Variants in KHDC4 observed in about 807,000 individuals in gnomAD.
KHDC4 encodes KH domain containing 4, pre-mRNA splicing factor.
A neutral mutation model predicts 74.5 loss-of-function variants in KHDC4; 19 were observed. The ratio of observed to expected loss-of-function variants is 0.26; its 90% CI spans 0.18 to 0.37. KHDC4 has a LOEUF of 0.37. Ranked by LOEUF, KHDC4 falls within the 10% of genes least tolerant of loss-of-function variation. The pLI is 1.00. For synonymous variants in KHDC4, 253 were observed against 266.1 expected (o/e 0.95, Z 0.48); for missense variants, 632 against 754.1 (o/e 0.84, Z 1.90).
At chr1:155,915,687 AG>A in intron 13 of KHDC4, 185 bp downstream of exon 13, 4 of 511,822 alleles carry the variant, frequency 7.8e-6, no homozygotes, top group Non-Finnish European at 1.0e-5. Flanking sequence ...TTGTATTTTT[AG>A]TAGAGATGGG....
intron 13 of KHDC4, 40 bp from the exon 14 acceptor site, chr1:155,914,360 A>G (rs763331588): frequency 7.0e-7 from 1 of 1,427,914 alleles, no homozygotes; most frequent in Non-Finnish European, 9.7e-7. Flanking sequence ...CATCCCCGCC[A>G]AGGGAAAAAA....
chr1:155,915,610 C>T (rs1407911208), intron 13 of KHDC4: 16 of 406,008 alleles, frequency 3.9e-5, no homozygotes, highest in Admixed American at 8.9e-5. Context: ...CAGGTTGAAG[C>T]GATTCTCCTG....
intron 13 of KHDC4, 195 bp from the exon 14 acceptor site, chr1:155,914,515 T>C: frequency 1.8e-6 from 1 of 560,670 alleles, no homozygotes; most frequent in Non-Finnish European, 3.1e-6. Flanking sequence ...CAAATGTGAA[T>C]CCACCAGAAC....
chr1:155,930,439 T>G (rs1312009452), intron 2 of KHDC4, among the ~76,000 whole-genome samples: 1 of 152,116 alleles, frequency 6.6e-6, no homozygotes, highest in African/African-American at 2.4e-5. Context: ...CTATGTGCAT[T>G]TTTATGACCA....
intron 11 of KHDC4, 80 bp downstream of exon 11, chr1:155,917,419 G>T: frequency 8.5e-7 from 1 of 1,181,542 alleles, no homozygotes; most frequent in Non-Finnish European, 1.3e-6. Flanking sequence ...CTGGGAGAAT[G>T]ATGTGAATTT....
At chr1:155,924,078 G>C (rs1168964808) in intron 7 of KHDC4, among the ~76,000 whole-genome samples, 1 of 152,124 alleles carries the variant, frequency 6.6e-6, no homozygotes, top group Non-Finnish European at 1.5e-5. Context: ...AGCACTTTGG[G>C]AGACCGAGAC....
At chr1:155,933,883 A>C in intron 1 of KHDC4, 34 bp from the exon 2 acceptor site, 1 of 1,459,748 alleles carries the variant, frequency 6.9e-7, no homozygotes, top group Non-Finnish European at 9.1e-7. Context: ...TTAGGCCCCA[A>C]AGCTTTCGTG....
Position 155,929,954 on chromosome 1 carries a change from C to T in KHDC4, c.256-114G>A, listed in dbSNP as rs1023298285. The stretch of plus-strand genomic sequence containing the variant: ...ATTTTTTTGAGATGGAGTCTGTCGC[C>T]CAGGATGGAGTGCAGTGGCGTGATC... On this transcript the variant is annotated intron_variant, in intron 2 of 13. Transcript: ENST00000368321. 29 of 627,710 alleles carry T rather than the reference C, an allele frequency of 4.6e-5. No homozygotes were observed. In the Admixed American group the frequency reaches 5.9e-4, roughly 13 times the overall value. The allele number at this position is 627,710 out of a possible 1,614,324, so 38.9% of individuals were successfully genotyped here.
At chr1:155,926,230 G>T in intron 6 of KHDC4, 1 of 386,066 alleles carries the variant, frequency 2.6e-6, no homozygotes. Flanking sequence ...GTGGAGAGCT[G>T]GATAACACAC....
chr1:155,914,375 ATACC>A, intron 13 of KHDC4, 55 bp from the exon 14 acceptor site: 1 of 1,305,134 alleles, frequency 7.7e-7, no homozygotes, highest in Non-Finnish European at 1.1e-6. Context: ...AAAAAAAAAA[ATACC>A]ATAAATTCGT....
chr1:155,928,037 GAC>G (rs1381893248), intron 4 of KHDC4, among the ~76,000 whole-genome samples: 1 of 151,964 alleles, frequency 6.6e-6, no homozygotes, highest in African/African-American at 2.4e-5. Flanking sequence ...ACTTTTTAAA[GAC>G]AAAGTTCAAA....
chr1:155,919,688 G>A (rs1673811384), intron 10 of KHDC4, among the ~76,000 whole-genome samples: 1 of 152,062 alleles, frequency 6.6e-6, no homozygotes, highest in Non-Finnish European at 1.5e-5. Flanking sequence ...GCAGGCGCTT[G>A]TAGTCCCAGC....
chr1:155,933,950 AT>A (rs1418098712), intron 1 of KHDC4, 101 bp from the exon 2 acceptor site: 7 of 900,496 alleles, frequency 7.8e-6, no homozygotes, highest in Non-Finnish European at 1.1e-5. Context: ...ATTATATTCC[AT>A]TTACACCTCC....
chr1:155,923,764 C>T (rs1673919956), intron 7 of KHDC4, 77 bp from the exon 8 acceptor site: 2 of 1,126,380 alleles, frequency 1.8e-6, no homozygotes, highest in Non-Finnish European at 2.7e-6. Context: ...ATTTTCCATG[C>T]TATTTTACAT....
chr1:155,931,775 G>A (rs1674146503), intron 2 of KHDC4, among the ~76,000 whole-genome samples: 1 of 152,164 alleles, frequency 6.6e-6, no homozygotes, highest in African/African-American at 2.4e-5. Flanking sequence ...TTTACTTTGT[G>A]CATTAAATAC....
Position 155,928,970 on chromosome 1 carries a change from T to C in KHDC4, c.464+326A>G, listed in dbSNP as rs1050579578. 2.7e-5 allele frequency among the ~76,000 whole-genome samples: 4 copies of C among 145,978 alleles called. No individual in the cohort carries two copies. The East Asian group carries it at 8.5e-4, about 31-fold the overall frequency. On this transcript the variant is annotated intron_variant, in intron 4 of 13. Coordinates refer to ENST00000368321, the MANE Select transcript of KHDC4 (RefSeq NM_014949.4). Reference sequence around the variant, plus strand: ...CCATCTCAAAAAAAAAAAAAAAAAGTATATACATTATTTCTGCAGATCATA... The same window carrying C: ...CCATCTCAAAAAAAAAAAAAAAAAGCATATACATTATTTCTGCAGATCATA...
Position 155,926,904 on chromosome 1 carries a change from T to A in KHDC4, c.518-65A>T, listed in dbSNP as rs896560221. 3 of 1,559,668 alleles carry A rather than the reference T, an allele frequency of 1.9e-6. No homozygotes were observed. In the African/African-American group the frequency reaches 4.1e-5, roughly 21 times the overall value. On this transcript the variant is annotated intron_variant, in intron 5 of 13. Transcript: ENST00000368321. ...TGACTAGTGCCCAGGCAGGCCAGTG[T>A]TCAATTATTCACCGTAAATCTGCTT...
Position 155,914,316 on chromosome 1 carries a change from A to G in KHDC4, c.1650T>C (p.Tyr550=), listed in dbSNP as rs1572002555. The change falls in exon 14 of 14, where the codon TAT becomes TAC. Residue 550 remains tyrosine, a synonymous_variant. Transcript: ENST00000368321. ...CTGTAGTTTTCATCTTCTTGGCTGG[A>G]TAATCTAGAATAGAGAAAAAACAAC... The part of the protein sequence containing the change: ...GSGTLTGSHD[Y]PAKKMKTTEK... 1 of 1,613,176 alleles carries G rather than the reference A, an allele frequency of 6.2e-7. No homozygotes were observed. The highest frequency in any genetic ancestry group is 8.5e-7 in the Non-Finnish European group (1 of 1,179,242).
chr1:155,917,573 G>C lies in KHDC4; in HGVS notation c.1366C>G (p.Gln456Glu). The part of the protein sequence containing the change: ...QPQPQPPLPS[Q>E]PQAQKRRFTE... ...AATCGTCTCTTCTGTGCCTGGGGCT[G>C]ACTTGGGAGTGGGGGCTGGGGCTGG... is the stretch of plus-strand genomic sequence containing the variant. The change falls in exon 11 of 14, where the codon CAG (glutamine) becomes GAG (glutamate). Residue 456 changes from glutamine (Q) to glutamate (E), a missense_variant. By Grantham distance (29) the Gln-to-Glu change is conservative. This residue lies in a region of KHDC4 where 254 missense variants were observed against 267.4 expected (regional missense o/e 0.95). Coordinates refer to ENST00000368321, the MANE Select transcript of KHDC4 (RefSeq NM_014949.4). 1.4e-6 allele frequency: 2 copies of C among 1,468,324 alleles called. No homozygotes were observed. The highest frequency in any genetic ancestry group is 1.9e-6 in the Non-Finnish European group (2 of 1,078,942). 91.0% of individuals were successfully genotyped at this position (1,468,324 alleles called of 1,614,324 possible). A position where few individuals can be genotyped will look rare whatever the true frequency, so the allele number is the denominator to read the frequency against.
Sources: allele counts gnomAD v4.1 joint callset (sites outside exome capture counted in the v4.1 genomes callset), GRCh38; gene constraint gnomAD v4.1.1; regional missense constraint gnomAD v4.1.1; transcripts MANE v1.5; gene names NCBI Gene and HGNC (gene_info 2026-07-23, HGNC 2026-07-21).